DSG3: variants seen among roughly 807,000 people sequenced by gnomAD.
The protein encoded by DSG3 is desmoglein-3.
A neutral mutation model predicts 85.9 loss-of-function variants in DSG3; 63 were observed. The observed-to-expected ratio is 0.73, with a 90% CI of 0.60 to 0.90. DSG3 has a LOEUF of 0.90. Among genes scored for constraint, DSG3 ranks in the 40% least tolerant of loss-of-function variants. The pLI, the probability that DSG3 is intolerant of heterozygous loss-of-function variation, is 0.00. For synonymous variants in DSG3, 447 were observed against 441.9 expected, an observed-to-expected ratio of 1.01 and a Z score of -0.14; for missense variants, 1,220 against 1,219.9, an observed-to-expected ratio of 1.00 and a Z score of 0.00.
chr18:31,462,245 T>C (rs577155139), intron 8 of DSG3, among the ~76,000 whole-genome samples: 2 of 152,236 alleles, frequency 1.3e-5, no homozygotes, highest in Admixed American at 6.5e-5. Flanking sequence ...CTAATTTTTA[T>C]AGTTTTAGTA....
At chr18:31,451,916 G>A (rs912732855) in intron 1 of DSG3, among the ~76,000 whole-genome samples, 8 of 152,078 alleles carry the variant, frequency 5.3e-5, no homozygotes, top group African/African-American at 1.9e-4. Context: ...CCTTGCTTTG[G>A]GTAGTTCACC....
chr18:31,460,276 A>G (rs2072775818), intron 6 of DSG3, among the ~76,000 whole-genome samples: 1 of 152,222 alleles, frequency 6.6e-6, no homozygotes, highest in Admixed American at 6.5e-5. Context: ...TGACATAGAC[A>G]TACATGGACA....
chr18:31,455,259 A>G (rs573121975), intron 1 of DSG3, among the ~76,000 whole-genome samples: 1 of 152,142 alleles, frequency 6.6e-6, no homozygotes, highest in Non-Finnish European at 1.5e-5. Context: ...TACCGAAACT[A>G]CACAATAAAC....
intron 1 of DSG3, among the ~76,000 whole-genome samples, chr18:31,448,684 T>C (rs867074935): frequency 6.5e-4 from 98 of 151,400 alleles, no homozygotes; most frequent in African/African-American, 2.2e-3. Context: ...GTCACAATAT[T>C]ATCTGTTACA....
chr18:31,457,107 A>G lies in DSG3; in HGVS notation c.199A>G (p.Arg67Gly). ...PCREGEDNSK[R>G]NPIAKITSDY... ...CAGAGAAGGAGAAGATAACTCAAAA[A>G]GAAACCCAATTGCCAAGGTAAGTTA... Residue 67 changes from arginine (R) to glycine (G), a missense_variant, in exon 3 of 16, where the codon AGA becomes GGA. By Grantham distance (125) the Arg-to-Gly change is moderately radical. Transcript: ENST00000257189. The G allele has an allele frequency of 1.2e-6, 2 of 1,612,434 alleles. No homozygotes were observed. Among genetic ancestry groups the G allele is most frequent in the South Asian group, 1.1e-5 (1 of 90,726 alleles).
At position 31,474,277 on chromosome 18, in the gene DSG3, C is replaced by G. The variant is rs1206090200; in HGVS notation, c.2258C>G (p.Thr753Ser). 4 of 1,614,174 alleles carry G rather than the reference C, an allele frequency of 2.5e-6. No individual in the cohort carries two copies. The Admixed American group carries it at 6.7e-5, about 27-fold the overall frequency. ...SGAASGFGAA[T>S]GVGICSSGQS... is the part of the protein sequence containing the mutation. ...GCTGCTTCAGGATTCGGAGCAGCCA[C>G]TGGAGTTGGCATCTGTTCCTCAGGG... The change falls in exon 15 of 16, where the codon ACT (threonine) becomes AGT (serine). Residue 753 changes from threonine (T) to serine (S), a missense_variant. Coordinates refer to ENST00000257189, the MANE Select transcript of DSG3 (RefSeq NM_001944.3).
In DSG3 at chr18:31,447,841, G is replaced by T. The variant is rs1396147910; in HGVS notation, c.-37G>T. On this transcript the variant is annotated 5_prime_UTR_variant, in exon 1 of 16. Coordinates refer to ENST00000257189, the MANE Select transcript of DSG3 (RefSeq NM_001944.3). ...GACGGCTGGCAGGATAGAAGCAGCG[G>T]CTCACTTGGACTTTTTCACCAGGGA... is the stretch of plus-strand genomic sequence containing the variant. The T allele has an allele frequency of 3.8e-6, 6 of 1,560,322 alleles. No homozygotes were observed. The highest frequency in any genetic ancestry group is 1.7e-4 in the Middle Eastern group (1 of 5,862).
intron 1 of DSG3, among the ~76,000 whole-genome samples, chr18:31,456,062 T>A (rs921220873): frequency 1.6e-4 from 25 of 152,332 alleles, no homozygotes; most frequent in African/African-American, 6.0e-4. Flanking sequence ...CATTTCACAA[T>A]GGTGCTTACC....
At chr18:31,457,612 CTTTCTT>C (rs1568086554) in intron 3 of DSG3, among the ~76,000 whole-genome samples, 38 of 114,856 alleles carry the variant, frequency 3.3e-4, no homozygotes, top group African/African-American at 1.5e-3. Flanking sequence ...TTCTTTCTTT[CTTTCTT>C]TCTTTCTTTC....
At chr18:31,449,165 T>A (rs540577292) in intron 1 of DSG3, among the ~76,000 whole-genome samples, 2 of 152,202 alleles carry the variant, frequency 1.3e-5, no homozygotes, top group Non-Finnish European at 2.9e-5. Flanking sequence ...CCCATAATGC[T>A]GGGATTGCAG....
intron 12 of DSG3, among the ~76,000 whole-genome samples, chr18:31,469,711 AT>A (rs1055754173): frequency 2.4e-4 from 37 of 152,248 alleles, no homozygotes; most frequent in African/African-American, 7.9e-4. Context: ...TATTCATTAC[AT>A]CTCATGAGAT....
chr18:31,460,116 T>A, intron 6 of DSG3, 105 bp downstream of exon 6: 1 of 1,227,528 alleles, frequency 8.1e-7, no homozygotes, highest in Non-Finnish European at 1.1e-6. Flanking sequence ...AGAAAAGAGG[T>A]TCTCAGTACT....
At chr18:31,457,439 G>C (rs2072749169) in intron 3 of DSG3, among the ~76,000 whole-genome samples, 1 of 152,152 alleles carries the variant, frequency 6.6e-6, no homozygotes, top group African/African-American at 2.4e-5. Context: ...GACAGAAATG[G>C]TTGGGAGCAA....
intron 11 of DSG3, 48 bp from the exon 12 acceptor site, chr18:31,469,041 A>C: frequency 1.2e-6 from 2 of 1,602,050 alleles, no homozygotes; most frequent in Non-Finnish European, 1.7e-6. Context: ...AAATAGACTG[A>C]AAAGACACTT....
intron 6 of DSG3, among the ~76,000 whole-genome samples, chr18:31,460,366 A>G (rs2072776331): frequency 6.6e-6 from 1 of 152,202 alleles, no homozygotes; most frequent in South Asian, 2.1e-4. Context: ...TCTGTCTGGA[A>G]TAAAGCCTTC....
intron 1 of DSG3, among the ~76,000 whole-genome samples, chr18:31,454,919 AC>A (rs1360437370): frequency 1.3e-5 from 2 of 150,758 alleles, no homozygotes; most frequent in Non-Finnish European, 3.0e-5. Flanking sequence ...AATCCCTTGA[AC>A]CCGGGAGACG....
rs1311729422 is a variant in DSG3 at position 31,460,020 on chromosome 18, A to G, written c.684+9A>G. 6 of 1,609,550 alleles carry G rather than the reference A, an allele frequency of 3.7e-6. No homozygotes were observed. In the African/African-American group the frequency reaches 8.0e-5, roughly 22 times the overall value. ...ATTCTCTTGACCGAGAGGTACAGCA[A>G]AGCACTTGGGGGAACATTCAAGATT... On this transcript the variant is annotated intron_variant, in intron 6 of 15. Coordinates refer to ENST00000257189, the MANE Select transcript of DSG3 (RefSeq NM_001944.3).
intron 1 of DSG3, among the ~76,000 whole-genome samples, 187 bp downstream of exon 1, chr18:31,448,112 A>G (rs111229836): frequency 0.018 from 2,709 of 152,296 alleles, 67 homozygotes; most frequent in African/African-American, 0.062. Flanking sequence ...TGTATTTTAC[A>G]TAGAAAAATA....
chr18:31,475,624 TCCCAC>T lies in DSG3; in HGVS notation c.2386-21_2386-17del, dbSNP rs1179254899. 2 of 1,598,524 alleles carry T rather than the reference TCCCAC, an allele frequency of 1.3e-6. No homozygotes were observed. Among genetic ancestry groups the T allele is most frequent in the South Asian group, 2.3e-5 (2 of 88,870 alleles). Reference sequence around the variant, plus strand: ...TGACTCTTTCTTAAAATTCATTTTTTCCCACTTTTTCTCTGTCTTAGAAAGCATTT... The same window carrying T: ...TGACTCTTTCTTAAAATTCATTTTTTTTTTTCTCTGTCTTAGAAAGCATTT... On this transcript the variant is annotated splice_polypyrimidine_tract_variant and intron_variant, in intron 15 of 15. Coordinates refer to ENST00000257189, the MANE Select transcript of DSG3 (RefSeq NM_001944.3).
Sources: gnomAD v4.1 joint callset for allele counts (sites outside exome capture counted in the v4.1 genomes callset) on GRCh38, gnomAD v4.1.1 for gene constraint, MANE v1.5 for transcripts, NCBI Gene and HGNC (gene_info 2026-07-23, HGNC 2026-07-21) for gene names.